TANC2: variants seen among roughly 807,000 people sequenced by gnomAD.
TANC2 encodes tetratricopeptide repeat, ankyrin repeat and coiled-coil containing 2.
A neutral mutation model predicts 210.5 loss-of-function variants in TANC2; 26 were observed. The ratio of observed to expected loss-of-function variants is 0.12; its 90% CI spans 0.09 to 0.17. TANC2 has a LOEUF of 0.17. Among genes scored for constraint, TANC2 ranks in the 10% least tolerant of loss-of-function variants. The pLI, the probability that TANC2 is intolerant of heterozygous loss-of-function variation, is 1.00. For synonymous variants in TANC2, 931 were observed against 967.1 expected (o/e 0.96, Z 0.69); for missense variants, 2,129 against 2,608.9 (o/e 0.82, Z 4.01).
rs147980153 is a variant in TANC2, at chr17:63,043,097, A to G, written c.68-30846A>G. Among the ~76,000 whole-genome samples, 373 of 152,148 alleles carry G rather than the reference A, an allele frequency of 2.5e-3. 1 individual carries two copies. Among genetic ancestry groups the G allele is most frequent in the African/African-American group, 6.5e-3 (270 of 41,538 alleles). ...TTAGCAATTGTTGAAAGATTACATG[A>G]CATGAAAATTGTTGATAGGCTTGGT... On this transcript the variant is annotated intron_variant, in intron 2 of 27. Coordinates refer to ENST00000689528, the Ensembl canonical transcript of TANC2.
chr17:62,975,408 A>G (rs1462264847), intron 1 of TANC2, among the ~76,000 whole-genome samples: 1 of 152,124 alleles, frequency 6.6e-6, no homozygotes, highest in Non-Finnish European at 1.5e-5. Flanking sequence ...TGGGATTGTG[A>G]ATTAGTGTGA....
At position 63,063,036 on chromosome 17, in the gene TANC2, T is replaced by C. The variant is rs182096656; in HGVS notation, c.68-10907T>C. 5.1e-4 allele frequency among the ~76,000 whole-genome samples: 78 copies of C among 152,226 alleles called. 1 individual carries two copies. In the East Asian group the frequency reaches 0.013, roughly 25 times the overall value. Reference sequence around the variant, plus strand: ...CTAGTATTTCTGACAAGGAAAAAAATTGGAGGTCCCCACAACCCCTTCCTC... The same window carrying C: ...CTAGTATTTCTGACAAGGAAAAAAACTGGAGGTCCCCACAACCCCTTCCTC... On this transcript the variant is annotated intron_variant, in intron 2 of 27. Transcript: ENST00000689528.
At chr17:63,118,931 C>G (rs1467151740) in intron 4 of TANC2, among the ~76,000 whole-genome samples, 2 of 152,008 alleles carry the variant, frequency 1.3e-5, no homozygotes, top group African/African-American at 4.8e-5. Flanking sequence ...TACAGGCGCC[C>G]ACCACCACGC....
intron 2 of TANC2, among the ~76,000 whole-genome samples, chr17:63,043,796 A>C (rs2035279114): frequency 1.3e-5 from 2 of 152,144 alleles, no homozygotes; most frequent in Non-Finnish European, 2.9e-5. Context: ...GGCCATTATC[A>C]TCATCAGCTA....
intron 2 of TANC2, among the ~76,000 whole-genome samples, chr17:63,060,576 C>T (rs538494079): frequency 4.0e-4 from 61 of 152,136 alleles, no homozygotes; most frequent in African/African-American, 1.4e-3. Context: ...GCTGAGATCG[C>T]ACCACTGCAC....
chr17:62,979,405 C>G (rs2032188757), intron 1 of TANC2, among the ~76,000 whole-genome samples: 1 of 152,130 alleles, frequency 6.6e-6, no homozygotes, highest in Non-Finnish European at 1.5e-5. Context: ...GCATGTCTTT[C>G]TGGCATGCCT....
At chr17:62,979,637 C>T (rs1202078353) in intron 1 of TANC2, among the ~76,000 whole-genome samples, 3 of 152,276 alleles carry the variant, frequency 2.0e-5, no homozygotes, top group Non-Finnish European at 2.9e-5. Context: ...AGGCAGGGCA[C>T]GGTGGCTCAC....
chr17:63,030,145 A>G (rs1329470753), intron 2 of TANC2, among the ~76,000 whole-genome samples: 1 of 152,146 alleles, frequency 6.6e-6, no homozygotes, highest in African/African-American at 2.4e-5. Context: ...CATATTTATT[A>G]AACTTGAACT....
chr17:63,322,279 A>C (rs1238918244), intron 11 of TANC2, among the ~76,000 whole-genome samples: 3 of 152,152 alleles, frequency 2.0e-5, no homozygotes, highest in Non-Finnish European at 4.4e-5. Context: ...CGGGCGGACC[A>C]CAAGGTCAGG....
intron 7 of TANC2, among the ~76,000 whole-genome samples, chr17:63,221,475 A>G (rs958855326): frequency 1.1e-4 from 16 of 151,532 alleles, no homozygotes; most frequent in African/African-American, 3.4e-4. Flanking sequence ...GAAAATGAAA[A>G]GGGAAATTAT....
chr17:63,074,623 C>A (rs901212180), intron 3 of TANC2, among the ~76,000 whole-genome samples: 4 of 152,096 alleles, frequency 2.6e-5, no homozygotes, highest in Admixed American at 6.5e-5. Flanking sequence ...TACCACCTTC[C>A]TATTTATTCT....
chr17:63,102,614 C>T (rs76064603), intron 4 of TANC2, among the ~76,000 whole-genome samples: 1,899 of 151,594 alleles, frequency 0.013, 41 homozygotes, highest in African/African-American at 0.044. Flanking sequence ...AATGCTATCC[C>T]TCCCCCCTCC....
At chr17:63,081,254 C>T (rs2036760144) in intron 3 of TANC2, among the ~76,000 whole-genome samples, 1 of 151,686 alleles carries the variant, frequency 6.6e-6, no homozygotes, top group African/African-American at 2.4e-5. Context: ...GCCAATAATT[C>T]ATTATTATTT....
intron 1 of TANC2, among the ~76,000 whole-genome samples, chr17:62,999,835 C>T (rs2033289974): frequency 6.6e-6 from 1 of 152,150 alleles, no homozygotes; most frequent in Admixed American, 6.5e-5. Context: ...TGAAATCAAC[C>T]TAAATGCTCA....
At chr17:63,245,827 G>GGC (rs1319344125) in intron 8 of TANC2, among the ~76,000 whole-genome samples, 1 of 148,628 alleles carries the variant, frequency 6.7e-6, no homozygotes, top group Non-Finnish European at 1.5e-5. Context: ...TGGGCAACAA[G>GGC]GCGGGACTCC....
chr17:63,017,012 T>C (rs1463390997), intron 2 of TANC2, among the ~76,000 whole-genome samples: 3 of 152,196 alleles, frequency 2.0e-5, no homozygotes, highest in African/African-American at 7.2e-5. Flanking sequence ...TTTCACTCCA[T>C]GGTCATGAGG....
chr17:63,093,071 A>G (rs796176503), intron 3 of TANC2, among the ~76,000 whole-genome samples: 28 of 152,270 alleles, frequency 1.8e-4, no homozygotes, highest in African/African-American at 6.5e-4. Flanking sequence ...TGAAGAGTAG[A>G]AATTTTTAAT....
At chr17:63,271,732 T>C (rs987670002) in intron 9 of TANC2, among the ~76,000 whole-genome samples, 1 of 151,994 alleles carries the variant, frequency 6.6e-6, no homozygotes, top group East Asian at 1.9e-4. Flanking sequence ...GAAAAGTGAC[T>C]GCTCATGTCC....
intron 5 of TANC2, among the ~76,000 whole-genome samples, chr17:63,181,335 G>T (rs1002695251): frequency 6.6e-6 from 1 of 152,182 alleles, no homozygotes; most frequent in African/African-American, 2.4e-5. Context: ...TGTAGGTTCA[G>T]TTGGCCTAGT....
Sources: gnomAD v4.1 joint callset for allele counts (sites outside exome capture counted in the v4.1 genomes callset) on GRCh38, gnomAD v4.1.1 for gene constraint, MANE v1.5 for transcripts, NCBI Gene and HGNC (gene_info 2026-07-23, HGNC 2026-07-21) for gene names.